The following ITGA2 variants were observed in gnomAD, a reference collection of about 807,000 sequenced individuals.
ITGA2 encodes the protein integrin subunit alpha 2.
Under a neutral mutation model 146.3 loss-of-function variants are expected in ITGA2, and 101 were observed. That is an observed-to-expected ratio of 0.69 (90% CI 0.59 to 0.81). ITGA2 has a LOEUF of 0.81. Among genes scored for constraint, ITGA2 ranks in the 40% least tolerant of loss-of-function variants. ITGA2 has a pLI of 0.00. For synonymous variants in ITGA2, 477 were observed against 487.1 expected, an observed-to-expected ratio of 0.98 and a Z score of 0.27; for missense variants, 1,281 against 1,402.7, an observed-to-expected ratio of 0.91 and a Z score of 1.39.
intron 4 of ITGA2, among the ~76,000 whole-genome samples, chr5:53,045,412 A>G (rs905700044): frequency 2.0e-5 from 3 of 152,204 alleles, no homozygotes; most frequent in African/African-American, 7.2e-5. Context: ...TACTTCCTGT[A>G]GGATCATTCA....
chr5:52,992,148 A>C (rs1740991119), intron 1 of ITGA2, among the ~76,000 whole-genome samples: 1 of 152,222 alleles, frequency 6.6e-6, no homozygotes. Context: ...TGTAAAAAAA[A>C]TATTTCTTTT....
intron 24 of ITGA2, among the ~76,000 whole-genome samples, chr5:53,080,218 CCA>C (rs1745851059): frequency 6.6e-6 from 1 of 152,066 alleles, no homozygotes; most frequent in Non-Finnish European, 1.5e-5. Flanking sequence ...CCATTTATGC[CCA>C]GTGTTCCATT....
chr5:53,011,212 G>A (rs1199306124), intron 1 of ITGA2, among the ~76,000 whole-genome samples: 1 of 152,130 alleles, frequency 6.6e-6, no homozygotes, highest in African/African-American at 2.4e-5. Flanking sequence ...GACATATAGA[G>A]GGGCCAGAGA....
chr5:53,020,200 CTG>C (rs1490847184), intron 1 of ITGA2, among the ~76,000 whole-genome samples: 10 of 152,118 alleles, frequency 6.6e-5, no homozygotes, highest in Non-Finnish European at 1.0e-4. Context: ...TGTTTATTAA[CTG>C]TGTGTATAAA....
chr5:53,018,013 A>G (rs1742480415), intron 1 of ITGA2, among the ~76,000 whole-genome samples: 1 of 152,060 alleles, frequency 6.6e-6, no homozygotes, highest in Non-Finnish European at 1.5e-5. Context: ...CTGTCAGTGC[A>G]GGAGCTCTGA....
Position 53,069,594 on chromosome 5 carries a change from C to T in ITGA2, c.2084-515C>T, listed in dbSNP as rs371999582. On this transcript the variant is annotated intron_variant, in intron 16 of 29. Transcript: ENST00000296585. ...TTTCAAAAATACCCAACTTTTACTT[C>T]TGACTAGCCATGTGAACTTAGGTGA... 2.0e-5 allele frequency among the ~76,000 whole-genome samples: 3 copies of T among 151,914 alleles called. 1 individual carries two copies. Among genetic ancestry groups the T allele is most frequent in the Admixed American group, 1.3e-4 (2 of 15,240 alleles).
intron 2 of ITGA2, among the ~76,000 whole-genome samples, chr5:53,039,868 T>A (rs866098215): frequency 3.3e-5 from 5 of 152,314 alleles, no homozygotes; most frequent in Non-Finnish European, 5.9e-5. Flanking sequence ...TTGTTTTTTT[T>A]AACTCATTTG....
chr5:53,086,377 G>C (rs546342977), intron 27 of ITGA2, among the ~76,000 whole-genome samples: 2 of 152,274 alleles, frequency 1.3e-5, no homozygotes, highest in African/African-American at 4.8e-5. Flanking sequence ...ATACTGATGT[G>C]ATATAACAAG....
chr5:53,081,752 C>A, intron 26 of ITGA2, 56 bp downstream of exon 26: 1 of 1,185,486 alleles, frequency 8.4e-7, no homozygotes, highest in Non-Finnish European at 1.2e-6. Context: ...CACCTGTGAT[C>A]AGGACGCTGC....
intron 1 of ITGA2, among the ~76,000 whole-genome samples, chr5:53,012,337 T>C (rs1196182975): frequency 6.6e-6 from 1 of 152,188 alleles, no homozygotes; most frequent in African/African-American, 2.4e-5. Context: ...AGCAACATTA[T>C]ATCCAAATGG....
At chr5:53,090,436 A>G (rs1172020330) in intron 29 of ITGA2, 83 bp from the exon 30 acceptor site, 1 of 1,096,896 alleles carries the variant, frequency 9.1e-7, no homozygotes, top group Non-Finnish European at 1.4e-6. Flanking sequence ...GGTGCATCAG[A>G]GGACGTGGGC....
rs1380285357 is a variant in ITGA2, at chr5:53,086,995, A to G, written c.3302A>G (p.Asn1101Ser). The G allele has an allele frequency of 1.2e-6, 2 of 1,613,784 alleles. No individual in the cohort carries two copies. Among genetic ancestry groups the G allele is most frequent in the East Asian group, 2.2e-5 (1 of 44,868 alleles). The change falls in exon 28 of 30, where the codon AAC (asparagine) becomes AGC (serine). Residue 1101 changes from asparagine to serine, a missense_variant. By Grantham distance (46) the Asn-to-Ser change is conservative. This residue lies in a region of ITGA2 where 475 missense variants were observed against 530.5 expected (regional missense o/e 0.90). Transcript: ENST00000296585. ...TVQLTAAAEI[N>S]TYNPEIYVIE... is the part of the protein sequence containing the mutation. ...CAGCTAACGGCAGCTGCAGAAATCA[A>G]CACCTATAACCCTGAGATATATGTG...
At chr5:53,048,956 G>A (rs1744221434) in intron 6 of ITGA2, among the ~76,000 whole-genome samples, 186 bp downstream of exon 6, 1 of 151,632 alleles carries the variant, frequency 6.6e-6, no homozygotes, top group Admixed American at 6.6e-5. Context: ...CCCAGTGCTG[G>A]TCTTTTGACC....
At chr5:53,028,162 T>C (rs1399961540) in intron 2 of ITGA2, among the ~76,000 whole-genome samples, 7 of 152,076 alleles carry the variant, frequency 4.6e-5, no homozygotes, top group African/African-American at 1.7e-4. Context: ...CTCTAAACAA[T>C]TGAATTCAAA....
Position 53,071,966 on chromosome 5 carries a change from AT to A in ITGA2, c.2267del (p.Leu756CysfsTer44). On this transcript the variant is annotated frameshift_variant, in exon 18 of 30. Coordinates refer to ENST00000296585, the MANE Select transcript of ITGA2 (RefSeq NM_002203.4). LOFTEE classifies it high-confidence loss of function. Reference protein sequence around the residue: ...QEPSDVVNSLDLRVDISLENP... With the variant: ...QEPSDVVNSLXLRVDISLENP... The stretch of plus-strand genomic sequence containing the variant: ...CCCTCTGATGTTGTCAACTCTTTGG[AT>A]TTGCGTGTGGACATCAGTCTGGAAA... 1 of 1,612,100 alleles carries A rather than the reference AT, an allele frequency of 6.2e-7. No homozygotes were observed. The highest frequency in any genetic ancestry group is 8.5e-7 in the Non-Finnish European group (1 of 1,178,846).
intron 15 of ITGA2, 93 bp downstream of exon 15, chr5:53,066,070 T>C (rs1210201867): frequency 8.6e-7 from 1 of 1,164,414 alleles, no homozygotes; most frequent in Admixed American, 1.7e-5. Context: ...AAATGCCACA[T>C]GCATTCTATA....
At chr5:53,055,855 A>G (rs1744602640) in intron 8 of ITGA2, 129 bp from the exon 9 acceptor site, 1 of 1,246,412 alleles carries the variant, frequency 8.0e-7, no homozygotes. Context: ...TCTACTAAAT[A>G]AAGGGTTATG....
intron 27 of ITGA2, among the ~76,000 whole-genome samples, chr5:53,085,978 A>G (rs1746137259): frequency 6.6e-6 from 1 of 152,016 alleles, no homozygotes; most frequent in Non-Finnish European, 1.5e-5. Flanking sequence ...GCTTGATCTC[A>G]GCTCACTGCA....
At chr5:53,012,523 C>T (rs1201177900) in intron 1 of ITGA2, among the ~76,000 whole-genome samples, 1 of 152,084 alleles carries the variant, frequency 6.6e-6, no homozygotes, top group East Asian at 1.9e-4. Context: ...TAGGTTGACT[C>T]CATGTCTTTG....
Sources: allele counts gnomAD v4.1 joint callset (sites outside exome capture counted in the v4.1 genomes callset), GRCh38; gene constraint gnomAD v4.1.1; regional missense constraint gnomAD v4.1.1; transcripts MANE v1.5; gene names NCBI Gene and HGNC (gene_info 2026-07-23, HGNC 2026-07-21).